The following TNR variants were observed in gnomAD, a reference collection of about 807,000 sequenced individuals.
The protein encoded by TNR is tenascin R, also known as tenascin-R.
Under a neutral mutation model 150.4 loss-of-function variants are expected in TNR, and 45 were observed. The ratio of observed to expected loss-of-function variants is 0.30; its 90% CI spans 0.24 to 0.38. The LOEUF is 0.38. Among genes scored for constraint, TNR ranks in the 10% least tolerant of loss-of-function variants. The pLI is 1.00. For synonymous variants in TNR, 687 were observed against 678.4 expected (o/e 1.01, Z -0.20); for missense variants, 1,544 against 1,759.1 (o/e 0.88, Z 2.19).
At chr1:175,405,011 C>T (rs570066066) in intron 3 of TNR, among the ~76,000 whole-genome samples, 3 of 152,314 alleles carry the variant, frequency 2.0e-5, no homozygotes, top group South Asian at 2.1e-4. Context: ...TCTACATCTG[C>T]GGGCCATCCA....
At chr1:175,735,703 C>G (rs1667752786) in intron 1 of TNR, among the ~76,000 whole-genome samples, 1 of 151,954 alleles carries the variant, frequency 6.6e-6, no homozygotes, top group Admixed American at 6.5e-5. Flanking sequence ...TTATGGAAAA[C>G]AAAATTATAA....
chr1:175,530,279 A>C (rs1030337458), intron 1 of TNR, among the ~76,000 whole-genome samples: 3 of 152,188 alleles, frequency 2.0e-5, no homozygotes, highest in Non-Finnish European at 4.4e-5. Flanking sequence ...GGAACTGGCC[A>C]GAGGGAACGT....
chr1:175,734,988 A>G (rs1444429454), intron 1 of TNR, among the ~76,000 whole-genome samples: 2 of 152,148 alleles, frequency 1.3e-5, no homozygotes, highest in African/African-American at 4.8e-5. Context: ...CCAGCATTAA[A>G]CTTCATTTAT....
intron 1 of TNR, among the ~76,000 whole-genome samples, chr1:175,704,658 G>T (rs1666797827): frequency 6.6e-6 from 1 of 152,172 alleles, no homozygotes; most frequent in African/African-American, 2.4e-5. Flanking sequence ...AGAAGAAAGG[G>T]TCATAAAAAG....
At chr1:175,584,399 ACATCAGAAAGAG>A (rs1313492893) in intron 1 of TNR, among the ~76,000 whole-genome samples, 7 of 152,212 alleles carry the variant, frequency 4.6e-5, no homozygotes, top group Non-Finnish European at 8.8e-5. Context: ...TCCCTTAGAG[ACATCAGAAAGAG>A]CATGGGCCTG....
rs146075941 is a variant in TNR at position 175,403,063 on chromosome 1, T to TC, written c.976+76dup. On this transcript the variant is annotated intron_variant, in intron 4 of 22. Transcript: ENST00000367674. ...ACTTCACTTTCTCACTCATCTTTCT[T>TC]CCCAAGCTAACTGGAGGCATCCAGC... is the stretch of plus-strand genomic sequence containing the variant. 8,385 of 1,245,752 alleles carry TC rather than the reference T, an allele frequency of 6.7e-3. 389 individuals are homozygous for TC. In the African/African-American group the frequency reaches 0.11, roughly 16 times the overall value. The allele number at this position is 1,245,752 out of a possible 1,614,324, so 77.2% of individuals were successfully genotyped here.
Position 175,658,015 on chromosome 1 carries a change from C to T in TNR, c.-165+85211G>A, listed in dbSNP as rs554973348. The stretch of plus-strand genomic sequence containing the variant: ...AACCCCCCTACCTCCACTTGGGTTC[C>T]CAGCAGTGCTGCAGACTTCCACTCA... On this transcript the variant is annotated intron_variant, in intron 1 of 22. Coordinates refer to ENST00000367674, the MANE Select transcript of TNR (RefSeq NM_003285.3). 7.5e-4 allele frequency among the ~76,000 whole-genome samples: 114 copies of T among 151,696 alleles called. 1 individual carries two copies. The highest frequency in any genetic ancestry group is 2.6e-3 in the African/African-American group (107 of 41,376).
chr1:175,676,666 G>GA (rs1184686088), intron 1 of TNR, among the ~76,000 whole-genome samples: 1 of 152,148 alleles, frequency 6.6e-6, no homozygotes, highest in African/African-American at 2.4e-5. Flanking sequence ...GCCAGAAAGG[G>GA]AAAAAATCCT....
chr1:175,707,623 G>A (rs1015970727), intron 1 of TNR, among the ~76,000 whole-genome samples: 1 of 152,158 alleles, frequency 6.6e-6, no homozygotes, highest in Admixed American at 6.5e-5. Flanking sequence ...AAAAAGACCA[G>A]GAAGTGCTGC....
chr1:175,403,382 C>T lies in TNR; in HGVS notation c.734G>A (p.Cys245Tyr). The change falls in exon 4 of 23, where the codon TGC (cysteine) becomes TAC (tyrosine). Residue 245 changes from cysteine (C) to tyrosine (Y), a missense_variant. Cys to Tyr is a radical substitution (Grantham distance 194). This residue lies in a region of TNR where 1,254 missense variants were observed against 1,329.4 expected (regional missense o/e 0.94). Transcript: ENST00000367674. ...CPTDCSSRGL[C>Y]VDGECVCEEP... ...TTCACAGACACACTCCCCGTCCACG[C>T]AGAGCCCCCGGGAGCTGCAGTCTGT... 1 of 1,614,206 alleles carries T rather than the reference C, an allele frequency of 6.2e-7. No individual in the cohort carries two copies. Among genetic ancestry groups the T allele is most frequent in the Non-Finnish European group, 8.5e-7 (1 of 1,180,050 alleles).
At chr1:175,575,128 T>G (rs1558015106) in intron 1 of TNR, among the ~76,000 whole-genome samples, 1 of 152,190 alleles carries the variant, frequency 6.6e-6, no homozygotes, top group Non-Finnish European at 1.5e-5. Context: ...GTACACCATG[T>G]CACTTCCAGG....
Position 175,406,219 on chromosome 1 carries a change from T to C in TNR, c.496A>G (p.Thr166Ala), listed in dbSNP as rs147204644. ...GCTGCGAGCTCCCGGACTCTACCTGTGGCAGCACTTTCTTGGCAGCAGTTG... is the reference window on the plus strand; with the variant it reads ...GCTGCGAGCTCCCGGACTCTACCTGCGGCAGCACTTTCTTGGCAGCAGTTG... ...NANCCQESAA[T>A]GQLDYIPHCS... The change falls in exon 3 of 23, where the codon ACA becomes GCA. Residue 166 changes from threonine to alanine, a missense_variant. This residue lies in a region of TNR where 1,254 missense variants were observed against 1,329.4 expected (regional missense o/e 0.94). Transcript: ENST00000367674. 7,553 of 1,613,638 alleles carry C rather than the reference T, an allele frequency of 4.7e-3. 24 individuals carry two copies. The highest frequency in any genetic ancestry group is 0.011 in the Middle Eastern group (68 of 6,052).
At chr1:175,504,300 T>C (rs1016036797) in intron 2 of TNR, among the ~76,000 whole-genome samples, 2 of 152,146 alleles carry the variant, frequency 1.3e-5, no homozygotes, top group South Asian at 2.1e-4. Flanking sequence ...CTGTATCCCT[T>C]ACAATACTGC....
intron 1 of TNR, among the ~76,000 whole-genome samples, chr1:175,680,625 GAGAC>G (rs1168240968): frequency 1.3e-5 from 2 of 152,106 alleles, no homozygotes; most frequent in Non-Finnish European, 2.9e-5. Context: ...AAATGCAAGA[GAGAC>G]AGAGACAGAG....
chr1:175,705,815 T>C (rs186942468), intron 1 of TNR, among the ~76,000 whole-genome samples: 1 of 152,346 alleles, frequency 6.6e-6, no homozygotes, highest in Non-Finnish European at 1.5e-5. Context: ...TTATAACTTT[T>C]ATAAATCTAG....
chr1:175,642,316 T>C (rs1423272478), intron 1 of TNR, among the ~76,000 whole-genome samples: 4 of 152,176 alleles, frequency 2.6e-5, no homozygotes, highest in African/African-American at 9.7e-5. Flanking sequence ...GGAAATAGCA[T>C]ATGCAAAAGC....
At chr1:175,733,105 G>A (rs1447169717) in intron 1 of TNR, among the ~76,000 whole-genome samples, 2 of 152,204 alleles carry the variant, frequency 1.3e-5, no homozygotes, top group Non-Finnish European at 2.9e-5. Context: ...AACGTTAGAA[G>A]TAAAAATGCT....
intron 2 of TNR, among the ~76,000 whole-genome samples, chr1:175,442,711 A>G (rs895162395): frequency 1.1e-4 from 16 of 151,768 alleles, no homozygotes; most frequent in African/African-American, 2.4e-5. Flanking sequence ...TAAATAGGAA[A>G]AGTCTTGTCA....
chr1:175,659,465 A>G (rs375405374), intron 1 of TNR, among the ~76,000 whole-genome samples: 1 of 152,198 alleles, frequency 6.6e-6, no homozygotes, highest in African/African-American at 2.4e-5. Flanking sequence ...GTGACCAGGC[A>G]TGTTGACCTA....
Sources: gnomAD v4.1 joint callset for allele counts (sites outside exome capture counted in the v4.1 genomes callset) on GRCh38, gnomAD v4.1.1 for gene constraint, gnomAD v4.1.1 regional missense constraint, MANE v1.5 for transcripts, NCBI Gene and HGNC (gene_info 2026-07-23, HGNC 2026-07-21) for gene names.